Variants in MGAT4C observed in about 807,000 individuals in gnomAD.
MGAT4C encodes MGAT4 family member C, also known as alpha-1,3-mannosyl-glycoprotein 4-beta-N-acetylglucosaminyltransferase C.
MGAT4C carries 19 observed loss-of-function variants against 40.1 expected under a neutral mutation model. That is an observed-to-expected ratio of 0.47 (90% CI 0.33 to 0.70). The LOEUF is 0.70. Among genes scored for constraint, MGAT4C ranks in the 30% least tolerant of loss-of-function variants. The pLI is 0.02. For synonymous variants in MGAT4C, 181 were observed against 187.1 expected (o/e 0.97, Z 0.27); for missense variants, 491 against 563.2 (o/e 0.87, Z 1.30).
chr12:86,268,584 GA>G (rs796245298), intron 4 of MGAT4C, among the ~76,000 whole-genome samples: 62 of 147,188 alleles, frequency 4.2e-4, no homozygotes, highest in African/African-American at 1.3e-3. Context: ...TTAGTAAAGA[GA>G]AGATACAACC....
Position 86,832,823 on chromosome 12 carries a change from T to A in MGAT4C, c.-262+5843A>T, listed in dbSNP as rs1485810902. Among the ~76,000 whole-genome samples, 5 of 151,836 alleles carry A rather than the reference T, an allele frequency of 3.3e-5. No homozygotes were observed. The Admixed American group carries it at 3.3e-4, about 10-fold the overall frequency. On this transcript the variant is annotated intron_variant, in intron 1 of 7. Coordinates refer to the MGAT4C transcript ENST00000548651. ...CTTGATTTCCACATTAGTAAAATGA[T>A]CATAATAGCAAGTACTCTGGAAGGT...
chr12:86,030,729 C>T (rs1354259239), intron 2 of MGAT4C, among the ~76,000 whole-genome samples: 2 of 151,546 alleles, frequency 1.3e-5, no homozygotes, highest in Non-Finnish European at 3.0e-5. Flanking sequence ...TTAAATTATG[C>T]AAAATGGGCT....
chr12:86,763,907 C>T (rs1453169855), intron 1 of MGAT4C, among the ~76,000 whole-genome samples: 4 of 152,118 alleles, frequency 2.6e-5, no homozygotes, highest in Admixed American at 2.0e-4. Flanking sequence ...ATAGGAACAG[C>T]TCCTGTCTAC....
chr12:86,475,180 G>T (rs17014020), intron 2 of MGAT4C, among the ~76,000 whole-genome samples: 9,863 of 151,880 alleles, frequency 0.065, 761 homozygotes, highest in East Asian at 0.24. Flanking sequence ...TAAAACTTAG[G>T]TTCCTCAACT....
At chr12:86,639,846 T>A (rs563404156) in intron 2 of MGAT4C, among the ~76,000 whole-genome samples, 1 of 151,742 alleles carries the variant, frequency 6.6e-6, no homozygotes, top group Non-Finnish European at 1.5e-5. Flanking sequence ...ACAGAAAATT[T>A]AGCAACATCA....
At chr12:86,800,623 T>C (rs1180317159) in intron 1 of MGAT4C, among the ~76,000 whole-genome samples, 1 of 151,880 alleles carries the variant, frequency 6.6e-6, no homozygotes, top group African/African-American at 2.4e-5. Flanking sequence ...GACAATAGGA[T>C]ATTTGAAATG....
In MGAT4C at chr12:86,627,437, G is replaced by A. The variant is rs191533508; in HGVS notation, c.-229+99772C>T. Among the ~76,000 whole-genome samples, 12 of 152,274 alleles carry A rather than the reference G, an allele frequency of 7.9e-5. No homozygotes were observed. In the East Asian group the frequency reaches 9.7e-4, roughly 12 times the overall value. On this transcript the variant is annotated intron_variant, in intron 2 of 7. Coordinates refer to the MGAT4C transcript ENST00000548651. ...CCTCCTCAAGTGGGACCCTGACCCC[G>A]TGTAGCCTAACTTGGAGACACCTCC... is the stretch of plus-strand genomic sequence containing the variant.
At chr12:86,091,861 A>C (rs1872946352) in intron 1 of MGAT4C, among the ~76,000 whole-genome samples, 1 of 147,646 alleles carries the variant, frequency 6.8e-6, no homozygotes, top group South Asian at 2.1e-4. Context: ...AGAGACACAA[A>C]GACATTACGA....
intron 1 of MGAT4C, among the ~76,000 whole-genome samples, chr12:86,198,920 A>G (rs1949928561): frequency 6.6e-6 from 1 of 152,208 alleles, no homozygotes; most frequent in African/African-American, 2.4e-5. Context: ...TGTGGAGCAA[A>G]TGCTCAAATC....
At chr12:86,133,335 C>T (rs2135717340) in intron 1 of MGAT4C, among the ~76,000 whole-genome samples, 1 of 152,326 alleles carries the variant, frequency 6.6e-6, no homozygotes, top group Non-Finnish European at 1.5e-5. Flanking sequence ...AAGCACTTCA[C>T]TTCTTAAATG....
intron 1 of MGAT4C, among the ~76,000 whole-genome samples, chr12:86,802,604 T>C (rs10858487): frequency 0.51 from 77,253 of 150,954 alleles, 20,362 homozygotes; most frequent in Middle Eastern, 0.62. Flanking sequence ...ATCACAAGCA[T>C]TCTTATACAC....
intron 4 of MGAT4C, among the ~76,000 whole-genome samples, chr12:86,301,933 T>C (rs1208905592): frequency 7.1e-6 from 1 of 141,244 alleles, no homozygotes; most frequent in African/African-American, 3.1e-5. Context: ...AATATCTGCC[T>C]ATAGGTGAAA....
At chr12:86,087,042 T>C (rs1871983013) in intron 1 of MGAT4C, among the ~76,000 whole-genome samples, 1 of 152,128 alleles carries the variant, frequency 6.6e-6, no homozygotes, top group East Asian at 1.9e-4. Context: ...ATTGTGTATA[T>C]ACCCCACATT....
chr12:86,349,642 C>G (rs1044063909), intron 3 of MGAT4C, among the ~76,000 whole-genome samples: 10 of 152,136 alleles, frequency 6.6e-5, no homozygotes, highest in African/African-American at 2.4e-4. Flanking sequence ...AGAAAGTACA[C>G]TTGGCCACTG....
intron 3 of MGAT4C, among the ~76,000 whole-genome samples, chr12:86,418,095 C>T (rs974459167): frequency 6.6e-6 from 1 of 151,988 alleles, no homozygotes. Flanking sequence ...ACATTCTTTG[C>T]ACAAACTTTT....
At chr12:86,313,720 T>C (rs1201682189) in intron 4 of MGAT4C, among the ~76,000 whole-genome samples, 1 of 152,234 alleles carries the variant, frequency 6.6e-6, no homozygotes, top group Non-Finnish European at 1.5e-5. Flanking sequence ...GGAGCTAATA[T>C]GATAAAATAA....
chr12:86,138,999 C>A (rs1045295537), intron 1 of MGAT4C, among the ~76,000 whole-genome samples: 2 of 152,016 alleles, frequency 1.3e-5, no homozygotes, highest in Non-Finnish European at 2.9e-5. Flanking sequence ...AATGCTGTGT[C>A]CTTCAGAGTC....
intron 3 of MGAT4C, among the ~76,000 whole-genome samples, chr12:86,423,907 G>A (rs1031266435): frequency 1.3e-5 from 2 of 152,128 alleles, no homozygotes. Flanking sequence ...TTTCAAAAAG[G>A]AGCCTCAAAG....
rs531564581 is a variant in MGAT4C at position 86,207,613 on chromosome 12, G to A, written c.-57+48626C>T. Reference sequence around the variant, plus strand: ...ACAGCATGAACAAGAATAAAAAAAAGATTTGCTGACACTTATATAGCATAT... The same window carrying A: ...ACAGCATGAACAAGAATAAAAAAAAAATTTGCTGACACTTATATAGCATAT... On this transcript the variant is annotated intron_variant, in intron 1 of 4. Coordinates refer to ENST00000611864, the MANE Select transcript of MGAT4C (RefSeq NM_001351288.2). 5.7e-3 allele frequency among the ~76,000 whole-genome samples: 867 copies of A among 152,176 alleles called. 6 individuals carry two copies. Among genetic ancestry groups the A allele is most frequent in the Non-Finnish European group, 8.2e-3 (556 of 68,000 alleles).
Sources: allele counts gnomAD v4.1 joint callset (sites outside exome capture counted in the v4.1 genomes callset), GRCh38; gene constraint gnomAD v4.1.1; transcripts MANE v1.5; gene names NCBI Gene and HGNC (gene_info 2026-07-23, HGNC 2026-07-21).